The following NARF variants were observed in gnomAD, a reference collection of about 807,000 sequenced individuals.
The protein encoded by NARF is nuclear prelamin A recognition factor, also known as iron-only hydrogenase-like protein 2.
A neutral mutation model predicts 48.0 loss-of-function variants in NARF; 41 were observed. The observed-to-expected ratio is 0.85, with a 90% CI of 0.66 to 1.11. The LOEUF is 1.11. Ranked by LOEUF, NARF falls within the 50% of genes least tolerant of loss-of-function variation. NARF has a pLI of 0.00. For missense variants in NARF, 613 were observed against 590.2 expected (o/e 1.04, Z -0.40); for synonymous variants, 215 against 225.5 (o/e 0.95, Z 0.42).
chr17:82,475,187 A>G (rs768463924), intron 5 of NARF, among the ~76,000 whole-genome samples: 11 of 152,250 alleles, frequency 7.2e-5, no homozygotes, highest in Non-Finnish European at 1.2e-4. Flanking sequence ...ATGATACCAC[A>G]CACAACATGG....
At position 82,484,994 on chromosome 17, in the gene NARF, C is replaced by T. The variant is rs375859674; in HGVS notation, c.971+44C>T. 46 of 1,553,198 alleles carry T rather than the reference C, an allele frequency of 3.0e-5. No individual in the cohort carries two copies. In the African/African-American group the frequency reaches 4.9e-4, roughly 17 times the overall value. On this transcript the variant is annotated intron_variant, in intron 9 of 10. Transcript: ENST00000309794. ...AGCCTGTCTGTGCCTGTGGTTAGCA[C>T]GTGTGCATGGTGTGCCTGTATGGAT...
At chr17:82,473,302 T>C (rs986642633) in intron 5 of NARF, among the ~76,000 whole-genome samples, 1 of 149,164 alleles carries the variant, frequency 6.7e-6, no homozygotes, top group Non-Finnish European at 1.5e-5. Context: ...TCTATTTTTT[T>C]TTTTTTTTTG....
At chr17:82,467,051 C>T (rs913003286) in intron 3 of NARF, among the ~76,000 whole-genome samples, 5 of 149,898 alleles carry the variant, frequency 3.3e-5, no homozygotes, top group Non-Finnish European at 7.4e-5. Context: ...GTGTCTATTT[C>T]TTGACCCTTT....
At position 82,472,551 on chromosome 17, in the gene NARF, C is replaced by T. The variant is rs746178999; in HGVS notation, c.386-13C>T. 1.2e-6 allele frequency: 2 copies of T among 1,600,196 alleles called. No homozygotes were observed. Among genetic ancestry groups the T allele is most frequent in the East Asian group, 2.3e-5 (1 of 44,056 alleles). ...TACGTGATTTAAGCTGAATATGCTC[C>T]TCTCTCCTGCAGGGGTGCACTATGT... On this transcript the variant is annotated splice_polypyrimidine_tract_variant and intron_variant, in intron 4 of 10. Coordinates refer to ENST00000309794, the MANE Select transcript of NARF (RefSeq NM_012336.4).
chr17:82,468,430 A>T (rs1297387396), intron 3 of NARF: 3 of 259,710 alleles, frequency 1.2e-5, no homozygotes, highest in Non-Finnish European at 2.2e-5. Flanking sequence ...AAGTGTGATT[A>T]TAGCGCTCTG....
chr17:82,464,782 A>G (rs2043523760), intron 3 of NARF, among the ~76,000 whole-genome samples: 1 of 152,194 alleles, frequency 6.6e-6, no homozygotes, highest in African/African-American at 2.4e-5. Flanking sequence ...CCTCGGCTGC[A>G]CGTTTTCGGA....
At chr17:82,480,981 G>C in intron 6 of NARF, 101 bp from the exon 7 acceptor site, 1 of 1,409,220 alleles carries the variant, frequency 7.1e-7, no homozygotes. Flanking sequence ...GAGGGCAGCA[G>C]CAGGGGGCAT....
chr17:82,465,553 A>G (rs1312074690), intron 3 of NARF, among the ~76,000 whole-genome samples: 4 of 152,114 alleles, frequency 2.6e-5, no homozygotes, highest in Non-Finnish European at 4.4e-5. Flanking sequence ...GCTTCTGGAC[A>G]AGTCATCCAG....
At chr17:82,477,702 CAG>C (rs1159531303) in intron 5 of NARF, 1 of 152,142 alleles carries the variant, frequency 6.6e-6, no homozygotes, top group African/African-American at 2.4e-5. Flanking sequence ...TTTCTAGAGA[CAG>C]AGTCTCACCG....
chr17:82,478,746 A>G, intron 5 of NARF, 54 bp from the exon 6 acceptor site: 1 of 1,532,056 alleles, frequency 6.5e-7, no homozygotes, highest in Non-Finnish European at 9.0e-7. Flanking sequence ...GGTGCGTTAC[A>G]GGAAGACCAG....
At chr17:82,472,446 T>G in intron 4 of NARF, 118 bp from the exon 5 acceptor site, 1 of 1,175,184 alleles carries the variant, frequency 8.5e-7, no homozygotes, top group Non-Finnish European at 1.2e-6. Flanking sequence ...ATTATGCCAC[T>G]GCACTCTAGC....
At chr17:82,458,517 A>C, upstream of NARF, 1 of 385,026 alleles carries the variant, frequency 2.6e-6, no homozygotes. Flanking sequence ...CCGTACGTGG[A>C]GTGAGCCTGC....
chr17:82,478,571 G>A, intron 5 of NARF: 1 of 628,830 alleles, frequency 1.6e-6, no homozygotes, highest in African/African-American at 1.8e-5. Flanking sequence ...GGCCTTGCAG[G>A]GATGCTCCCA....
chr17:82,487,782 C>CCCCCCCCAA, intron 10 of NARF, 134 bp from the exon 11 acceptor site: 5 of 421,874 alleles, frequency 1.2e-5, no homozygotes, highest in East Asian at 6.6e-5. Context: ...ACCCGCCCCT[C>CCCCCCCCAA]CCGCCCAATC....
chr17:82,473,973 C>G (rs1035463999), intron 5 of NARF, among the ~76,000 whole-genome samples: 2 of 151,962 alleles, frequency 1.3e-5, no homozygotes, highest in African/African-American at 4.8e-5. Flanking sequence ...TGCTTTAGCC[C>G]AGGAGTGTGG....
At chr17:82,474,458 A>C (rs1301422193) in intron 5 of NARF, among the ~76,000 whole-genome samples, 1 of 152,172 alleles carries the variant, frequency 6.6e-6, no homozygotes, top group Non-Finnish European at 1.5e-5. Flanking sequence ...ATGATGCATA[A>C]GGGAATAAGG....
intron 3 of NARF, among the ~76,000 whole-genome samples, chr17:82,466,537 C>G (rs1236551823): frequency 6.6e-6 from 1 of 152,130 alleles, no homozygotes; most frequent in East Asian, 1.9e-4. Flanking sequence ...ATTGCAACCT[C>G]TCCTTCCTGG....
chr17:82,475,944 A>G (rs1295524851), intron 5 of NARF, among the ~76,000 whole-genome samples: 2 of 152,192 alleles, frequency 1.3e-5, no homozygotes, highest in Admixed American at 6.5e-5. Context: ...TAAAAGATAA[A>G]AAGTATAAAC....
chr17:82,478,596 C>G (rs1385599227), intron 5 of NARF: 1 of 659,738 alleles, frequency 1.5e-6, no homozygotes, highest in African/African-American at 1.8e-5. Context: ...CCAGTAGCCT[C>G]CAGGCCTGCA....
Sources: gnomAD v4.1 joint callset for allele counts (sites outside exome capture counted in the v4.1 genomes callset) on GRCh38, gnomAD v4.1.1 for gene constraint, MANE v1.5 for transcripts, NCBI Gene and HGNC (gene_info 2026-07-23, HGNC 2026-07-21) for gene names.